Variants in NEURL1 observed in about 807,000 individuals in gnomAD.
NEURL1 encodes the protein neuralized E3 ubiquitin protein ligase 1.
In NEURL1, 26 loss-of-function variants were observed where a neutral mutation model predicts 41.2. The ratio of observed to expected loss-of-function variants is 0.63; its 90% CI spans 0.46 to 0.87. NEURL1 has a LOEUF of 0.87. Ranked by LOEUF, NEURL1 falls within the 40% of genes least tolerant of loss-of-function variation. The pLI is 0.00. For missense variants in NEURL1, 761 were observed against 871.1 expected (o/e 0.87, Z 1.59); for synonymous variants, 400 against 402.3 (o/e 0.99, Z 0.07).
chr10:103,531,536 GC>G (rs1294414286), intron 1 of NEURL1, among the ~76,000 whole-genome samples: 1 of 151,734 alleles, frequency 6.6e-6, no homozygotes, highest in Admixed American at 6.6e-5. Context: ...ACCATGTCTG[GC>G]CCCCACTTTT....
intron 1 of NEURL1, among the ~76,000 whole-genome samples, chr10:103,557,903 G>A (rs2035192205): frequency 1.3e-5 from 2 of 151,626 alleles, no homozygotes; most frequent in African/African-American, 2.4e-5. Context: ...TTTTTGAGAC[G>A]TAGTCTCTCT....
intron 3 of NEURL1, among the ~76,000 whole-genome samples, chr10:103,581,080 C>G (rs925692197): frequency 6.6e-6 from 1 of 152,204 alleles, no homozygotes; most frequent in African/African-American, 2.4e-5. Flanking sequence ...ATACTAATAT[C>G]TGAAGTTATC....
rs539671117 is a variant in NEURL1, at chr10:103,581,028, G to A, written c.650-3508G>A. ...CAAAAAGCCCATGGTCTGAGGACAG[G>A]TGTACCTGACTTTTAGTTGAGACTG... On this transcript the variant is annotated intron_variant, in intron 3 of 5. Coordinates refer to ENST00000369780, the MANE Select transcript of NEURL1 (RefSeq NM_004210.5). Among the ~76,000 whole-genome samples, 392 of 152,290 alleles carry A rather than the reference G, an allele frequency of 2.6e-3. 1 individual carries two copies. The highest frequency in any genetic ancestry group is 9.1e-3 in the African/African-American group (377 of 41,560).
At chr10:103,548,354 C>T (rs746367333) in intron 1 of NEURL1, among the ~76,000 whole-genome samples, 3 of 150,638 alleles carry the variant, frequency 2.0e-5, no homozygotes, top group Non-Finnish European at 4.4e-5. Flanking sequence ...ATAGTTTTCA[C>T]TCTTGTCACC....
At chr10:103,525,688 C>A (rs2034446212) in intron 1 of NEURL1, among the ~76,000 whole-genome samples, 1 of 152,088 alleles carries the variant, frequency 6.6e-6, no homozygotes, top group South Asian at 2.1e-4. Flanking sequence ...AGTTTATATG[C>A]AAATAGGGAC....
chr10:103,555,376 G>A (rs943573293), intron 1 of NEURL1: 2 of 1,357,040 alleles, frequency 1.5e-6, no homozygotes, highest in African/African-American at 1.5e-5. Flanking sequence ...GCCCGTCGCC[G>A]GAGATGGGGG....
At chr10:103,499,880 C>T (rs1282916442) in intron 1 of NEURL1, among the ~76,000 whole-genome samples, 3 of 152,216 alleles carry the variant, frequency 2.0e-5, no homozygotes, top group East Asian at 1.9e-4. Context: ...TCGATGCTGC[C>T]GGAGTGATTC....
chr10:103,567,282 C>T (rs1186963653), intron 1 of NEURL1, among the ~76,000 whole-genome samples: 1 of 152,034 alleles, frequency 6.6e-6, no homozygotes, highest in South Asian at 2.1e-4. Flanking sequence ...CTGTGCCCAG[C>T]CTGAAGGAAC....
At chr10:103,580,915 G>A (rs142214362) in intron 3 of NEURL1, among the ~76,000 whole-genome samples, 14 of 152,148 alleles carry the variant, frequency 9.2e-5, no homozygotes, top group Admixed American at 8.5e-4. Context: ...CTACATTTTA[G>A]CTGCTGCTTC....
At chr10:103,512,064 A>T (rs1282910919) in intron 1 of NEURL1, 1 of 152,176 alleles carries the variant, frequency 6.6e-6, no homozygotes, top group African/African-American at 2.4e-5. Flanking sequence ...GATGGCACAG[A>T]TGTTCTTTGG....
intron 2 of NEURL1, 52 bp downstream of exon 2, chr10:103,571,165 T>C (rs765337132): frequency 6.4e-7 from 1 of 1,564,648 alleles, no homozygotes. Flanking sequence ...GCTCCCCTCA[T>C]GGCATCCCCT....
At chr10:103,543,419 G>A (rs755606943) in intron 1 of NEURL1, among the ~76,000 whole-genome samples, 1 of 152,244 alleles carries the variant, frequency 6.6e-6, no homozygotes, top group Non-Finnish European at 1.5e-5. Context: ...TGGGTCCACA[G>A]GGACCTGGGG....
chr10:103,580,758 G>A (rs771200563), intron 3 of NEURL1, among the ~76,000 whole-genome samples: 34 of 152,102 alleles, frequency 2.2e-4, no homozygotes, highest in Non-Finnish European at 4.1e-4. Context: ...GATTCGTTCC[G>A]TTTTTAGCTG....
chr10:103,495,397 G>T (rs1176226431), intron 1 of NEURL1, among the ~76,000 whole-genome samples: 2 of 152,204 alleles, frequency 1.3e-5, no homozygotes, highest in Non-Finnish European at 2.9e-5. Flanking sequence ...AGCTCCTCAG[G>T]TTATGAGAAG....
rs1260237017 is a variant in NEURL1 at position 103,556,371 on chromosome 10, C to G, written c.86-14501C>G. Among the ~76,000 whole-genome samples, 2 of 152,156 alleles carry G rather than the reference C, an allele frequency of 1.3e-5. No individual in the cohort carries two copies. Among genetic ancestry groups the G allele is most frequent in the African/African-American group, 2.4e-5 (1 of 41,424 alleles). ...AACCAGCCAGAACAGAATAGGCTGA[C>G]CTTGGGGAGTCCCTGACGCACTCCC... is the stretch of plus-strand genomic sequence containing the variant. On this transcript the variant is annotated intron_variant, in intron 1 of 5. Coordinates refer to ENST00000369780, the MANE Select transcript of NEURL1 (RefSeq NM_004210.5). The surrounding 1 kb of genome is among the most constrained non-coding windows in gnomAD (Gnocchi z 4.4).
chr10:103,586,761 T>C (rs2133886290), intron 4 of NEURL1, among the ~76,000 whole-genome samples: 1 of 152,090 alleles, frequency 6.6e-6, no homozygotes, highest in East Asian at 1.9e-4. Context: ...AAAAAGGAAA[T>C]GAAAAGCCTG....
intron 1 of NEURL1, among the ~76,000 whole-genome samples, chr10:103,502,675 A>G (rs1027618672): frequency 1.3e-5 from 2 of 152,224 alleles, no homozygotes; most frequent in African/African-American, 4.8e-5. Flanking sequence ...CTCACTTCCA[A>G]GGTGTGCACA....
intron 3 of NEURL1, among the ~76,000 whole-genome samples, chr10:103,572,748 T>C (rs751813078): frequency 6.6e-6 from 1 of 152,170 alleles, no homozygotes; most frequent in Non-Finnish European, 1.5e-5. Flanking sequence ...ACACATAGAC[T>C]CTGGGTACAA....
chr10:103,526,763 G>C (rs1205194582), intron 1 of NEURL1, among the ~76,000 whole-genome samples: 1 of 152,114 alleles, frequency 6.6e-6, no homozygotes, highest in Non-Finnish European at 1.5e-5. Flanking sequence ...ACCTGCCTTG[G>C]CCTCCCAAGG....
Sources: gnomAD v4.1 joint callset for allele counts (sites outside exome capture counted in the v4.1 genomes callset) on GRCh38, gnomAD v4.1.1 for gene constraint, Gnocchi (gnomAD v3.1) non-coding constraint, MANE v1.5 for transcripts, NCBI Gene and HGNC (gene_info 2026-07-23, HGNC 2026-07-21) for gene names.